PACRG: variants seen among roughly 807,000 people sequenced by gnomAD.
PACRG encodes the protein parkin coregulated gene protein.
Under a neutral mutation model 29.7 loss-of-function variants are expected in PACRG, and 29 were observed. The observed-to-expected ratio is 0.98, with a 90% CI of 0.73 to 1.33. PACRG has a LOEUF of 1.33. Ranked by LOEUF, PACRG falls within the 40% of genes most tolerant of loss-of-function variation. PACRG has a pLI of 0.00. For missense variants in PACRG, 279 were observed against 316.2 expected (o/e 0.88, Z 0.89); for synonymous variants, 116 against 118.7 (o/e 0.98, Z 0.15).
chr6:162,870,407 C>T (rs926986526), intron 2 of PACRG, among the ~76,000 whole-genome samples: 2 of 152,124 alleles, frequency 1.3e-5, no homozygotes, highest in Non-Finnish European at 2.9e-5. Context: ...TGCTACCACA[C>T]GTACATTTCT....
chr6:162,803,512 G>C (rs889149563), intron 1 of PACRG, among the ~76,000 whole-genome samples: 21 of 152,094 alleles, frequency 1.4e-4, no homozygotes, highest in Non-Finnish European at 1.5e-4. Context: ...AGCAAAGCTG[G>C]AGGCAAAAAG....
Position 162,975,780 on chromosome 6 carries a change from T to C in PACRG, c.292-86370T>C, listed in dbSNP as rs1204120848. ...GCAGGTCCTTCTTCTCTCCCTCCCT[T>C]CTTCTCTCCCTTTTCTCCCTTTTTC... On this transcript the variant is annotated intron_variant, in intron 2 of 4. Coordinates refer to ENST00000366888, the MANE Select transcript of PACRG (RefSeq NM_001080379.2). Among the ~76,000 whole-genome samples, 405 of 128,106 alleles carry C rather than the reference T, an allele frequency of 3.2e-3. 5 individuals carry two copies. Among genetic ancestry groups the C allele is most frequent in the African/African-American group, 0.01 (380 of 36,322 alleles). 84.0% of individuals were successfully genotyped at this position (128,106 alleles called of 152,430 possible). A position where few individuals can be genotyped will look rare whatever the true frequency, so the allele number is the denominator to read the frequency against.
intron 1 of PACRG, among the ~76,000 whole-genome samples, chr6:162,779,395 T>C (rs1783913846): frequency 6.6e-6 from 1 of 152,244 alleles, no homozygotes; most frequent in South Asian, 2.1e-4. Flanking sequence ...TGGGTTGACC[T>C]GGTTACAAGA....
Position 163,062,428 on chromosome 6 carries a change from G to T in PACRG, c.463+107G>T, listed in dbSNP as rs1309058102. The T allele has an allele frequency of 4.7e-6, 6 of 1,284,612 alleles. No homozygotes were observed. The African/African-American group carries it at 9.0e-5, about 19-fold the overall frequency. 79.6% of individuals were successfully genotyped at this position (1,284,612 alleles called of 1,614,324 possible). On this transcript the variant is annotated intron_variant, in intron 3 of 4. Transcript: ENST00000366888. ...ACAGACTGAGGTGATCCCCAGTTTT[G>T]CAGGAATTTTCATAAATTGACTTAG...
intron 4 of PACRG, chr6:163,312,733 T>C: frequency 2.4e-6 from 1 of 412,846 alleles, no homozygotes; most frequent in Non-Finnish European, 4.7e-6. Context: ...TATCTCTTGT[T>C]TATCTGATAT....
intron 4 of PACRG, chr6:163,095,446 C>T: frequency 1.0e-6 from 1 of 982,292 alleles, no homozygotes. Flanking sequence ...GTCTTAGCTT[C>T]CTGGAGCCAC....
chr6:162,827,711 A>G (rs926128565), intron 2 of PACRG, among the ~76,000 whole-genome samples: 2 of 152,092 alleles, frequency 1.3e-5, no homozygotes, highest in Non-Finnish European at 2.9e-5. Flanking sequence ...TAGATTACCA[A>G]CCATGCTGCC....
intron 4 of PACRG, among the ~76,000 whole-genome samples, chr6:163,144,054 C>A (rs1215217450): frequency 6.6e-6 from 1 of 151,686 alleles, no homozygotes; most frequent in Admixed American, 6.6e-5. Flanking sequence ...CACGGTGAAA[C>A]CCCATATCTA....
chr6:162,868,839 CTT>C (rs1041914164), intron 2 of PACRG, among the ~76,000 whole-genome samples: 2 of 152,186 alleles, frequency 1.3e-5, no homozygotes, highest in African/African-American at 4.8e-5. Flanking sequence ...GACACAGGCT[CTT>C]TGAACTCTGC....
At chr6:162,754,200 T>C (rs996479869) in intron 1 of PACRG, among the ~76,000 whole-genome samples, 3 of 152,226 alleles carry the variant, frequency 2.0e-5, no homozygotes, top group African/African-American at 4.8e-5. Flanking sequence ...AGGTGATATC[T>C]TTTTGTTTTT....
chr6:162,761,629 A>C (rs1782363388), intron 1 of PACRG, among the ~76,000 whole-genome samples: 1 of 152,168 alleles, frequency 6.6e-6, no homozygotes. Flanking sequence ...TAAAACACCC[A>C]GTAGAGTGAA....
rs6914205 is a variant in PACRG, at chr6:163,169,993, T to C, written c.613+80585T>C. On this transcript the variant is annotated intron_variant, in intron 4 of 4. Coordinates refer to ENST00000366888, the MANE Select transcript of PACRG (RefSeq NM_001080379.2). Reference sequence around the variant, plus strand: ...GTCTGTGTGTTGTTGTCTGTGTCCTTATCTCTTTTTATAAGGATTAGAGCC... The same window carrying C: ...GTCTGTGTGTTGTTGTCTGTGTCCTCATCTCTTTTTATAAGGATTAGAGCC... 8.2e-3 allele frequency among the ~76,000 whole-genome samples: 1,256 copies of C among 152,292 alleles called. 15 individuals carry two copies. The highest frequency in any genetic ancestry group is 0.029 in the African/African-American group (1,216 of 41,552).
intron 2 of PACRG, among the ~76,000 whole-genome samples, chr6:162,845,017 T>A (rs913728156): frequency 6.6e-6 from 1 of 152,140 alleles, no homozygotes; most frequent in Non-Finnish European, 1.5e-5. Context: ...GTGCTTTTTG[T>A]CAAATAATCT....
intron 4 of PACRG, chr6:163,179,113 G>A: frequency 4.7e-6 from 2 of 425,110 alleles, no homozygotes; most frequent in East Asian, 1.5e-4. Context: ...TTTCAATGGT[G>A]GGTTTCCTTT....
chr6:162,915,253 CT>C, intron 2 of PACRG, among the ~76,000 whole-genome samples: 1 of 151,728 alleles, frequency 6.6e-6, no homozygotes, highest in African/African-American at 2.4e-5. Context: ...AATTATTTTT[CT>C]GCCAATATTA....
intron 4 of PACRG, among the ~76,000 whole-genome samples, chr6:163,091,274 T>A (rs528903617): frequency 4.0e-4 from 61 of 152,350 alleles, no homozygotes; most frequent in African/African-American, 1.4e-3. Context: ...TGTTGGGAGC[T>A]CTAGACTACT....
chr6:163,290,230 A>G lies in PACRG; in HGVS notation c.614-24597A>G, dbSNP rs1022584733. Among the ~76,000 whole-genome samples the G allele has an allele frequency of 2.0e-5, 3 of 150,624 alleles. No homozygotes were observed. The South Asian group carries it at 6.3e-4, about 31-fold the overall frequency. On this transcript the variant is annotated intron_variant, in intron 4 of 4. Coordinates refer to ENST00000366888, the MANE Select transcript of PACRG (RefSeq NM_001080379.2). ...CAATCCCCACCCTGTGCCAACTCCA[A>G]ATTCACTTAATTATCATACGCACAT...
chr6:163,172,594 C>T (rs1779141009), intron 4 of PACRG, among the ~76,000 whole-genome samples: 2 of 152,170 alleles, frequency 1.3e-5, no homozygotes, highest in Non-Finnish European at 2.9e-5. Context: ...CATTGATTAA[C>T]ACAATTTCTT....
intron 2 of PACRG, among the ~76,000 whole-genome samples, chr6:162,834,584 T>A (rs1427586439): frequency 6.6e-6 from 1 of 151,728 alleles, no homozygotes; most frequent in Non-Finnish European, 1.5e-5. Context: ...TTATTAAAAC[T>A]TGGAATTGTT....
Sources: allele counts gnomAD v4.1 joint callset (sites outside exome capture counted in the v4.1 genomes callset), GRCh38; gene constraint gnomAD v4.1.1; transcripts MANE v1.5; gene names NCBI Gene and HGNC (gene_info 2026-07-23, HGNC 2026-07-21).